Variants in TMTC1 observed in about 807,000 individuals in gnomAD.
The protein encoded by TMTC1 is protein O-mannosyl-transferase TMTC1.
TMTC1 carries 73 observed loss-of-function variants against 104.8 expected under a neutral mutation model. The ratio of observed to expected loss-of-function variants is 0.70; its 90% CI spans 0.58 to 0.85. TMTC1 has a LOEUF of 0.85. Ranked by LOEUF, TMTC1 falls within the 40% of genes least tolerant of loss-of-function variation. The probability of loss-of-function intolerance (pLI) is 0.00; values close to 1 mark genes in which losing one functional copy is unlikely to be tolerated. For synonymous variants in TMTC1, 434 were observed against 428.7 expected (o/e 1.01, Z -0.15); for missense variants, 1,035 against 1,096.1 (o/e 0.94, Z 0.79).
intron 10 of TMTC1, among the ~76,000 whole-genome samples, chr12:29,538,849 C>T (rs1307634885): frequency 6.6e-6 from 1 of 152,166 alleles, no homozygotes; most frequent in African/African-American, 2.4e-5. Flanking sequence ...ATGAGTATTA[C>T]AAGATGCAAA....
chr12:29,522,548 C>T (rs895704352), intron 11 of TMTC1, among the ~76,000 whole-genome samples: 5 of 118,562 alleles, frequency 4.2e-5, no homozygotes, highest in Non-Finnish European at 7.3e-5. Context: ...CATTGAAGGA[C>T]TGACAATGTG....
intron 8 of TMTC1, among the ~76,000 whole-genome samples, chr12:29,576,280 T>C (rs1009134039): frequency 5.3e-5 from 8 of 152,168 alleles, no homozygotes; most frequent in Admixed American, 2.0e-4. Flanking sequence ...GTATTTGTGA[T>C]TTTGCTGCCT....
At chr12:29,540,497 G>A (rs996790418) in intron 10 of TMTC1, among the ~76,000 whole-genome samples, 4 of 152,106 alleles carry the variant, frequency 2.6e-5, no homozygotes, top group Admixed American at 2.0e-4. Flanking sequence ...AATCTAGACC[G>A]TTCCATTGAG....
intron 8 of TMTC1, among the ~76,000 whole-genome samples, chr12:29,578,193 A>C (rs910976988): frequency 6.6e-6 from 1 of 152,000 alleles, no homozygotes; most frequent in Admixed American, 6.6e-5. Flanking sequence ...TGTTCCTAAC[A>C]GGCAAGCAGA....
chr12:29,618,096 G>A (rs549771682), intron 6 of TMTC1, among the ~76,000 whole-genome samples: 9 of 152,290 alleles, frequency 5.9e-5, no homozygotes, highest in Non-Finnish European at 1.0e-4. Context: ...GTGAGAAGCT[G>A]TCAGTGTCTA....
intron 5 of TMTC1, among the ~76,000 whole-genome samples, chr12:29,679,846 G>A (rs1187864779): frequency 4.6e-5 from 7 of 151,938 alleles, no homozygotes; most frequent in Admixed American, 2.0e-4. Context: ...AGATTTAGAA[G>A]CAGTGTTTAC....
At position 29,557,664 on chromosome 12, in the gene TMTC1, G is replaced by A. The variant is rs543343313; in HGVS notation, c.1533-664C>T. Among the ~76,000 whole-genome samples, 27 of 152,146 alleles carry A rather than the reference G, an allele frequency of 1.8e-4. No homozygotes were observed. In the South Asian group the frequency reaches 2.9e-3, roughly 16 times the overall value. ...TGGGTTTCGCCATGTTGGCCAGGCCGGTCTCGAACCCCTGACCTCAGGTGA... is the reference window on the plus strand; with the variant it reads ...TGGGTTTCGCCATGTTGGCCAGGCCAGTCTCGAACCCCTGACCTCAGGTGA... On this transcript the variant is annotated intron_variant, in intron 9 of 17. Transcript: ENST00000539277.
At chr12:29,639,110 G>A (rs554606859) in intron 5 of TMTC1, among the ~76,000 whole-genome samples, 1 of 152,290 alleles carries the variant, frequency 6.6e-6, no homozygotes, top group Non-Finnish European at 1.5e-5. Flanking sequence ...TATCCCGTAC[G>A]CCTTCCTAGG....
chr12:29,554,521 A>G (rs1450468512), intron 10 of TMTC1, among the ~76,000 whole-genome samples: 1 of 152,230 alleles, frequency 6.6e-6, no homozygotes, highest in African/African-American at 2.4e-5. Context: ...GGGTCAAAGA[A>G]AATTACAAAT....
At chr12:29,616,852 C>T (rs1469208893) in intron 6 of TMTC1, among the ~76,000 whole-genome samples, 5 of 152,002 alleles carry the variant, frequency 3.3e-5, no homozygotes, top group African/African-American at 1.2e-4. Flanking sequence ...TTCTTGGCAT[C>T]GTTAAACCAT....
In TMTC1 at chr12:29,517,457, C is replaced by G; in HGVS notation, c.2139G>C (p.Gln713His). ...LQIYQEAAAL[Q>H]PSQRELRLAL... Reference sequence around the variant, plus strand: ...CCAAGCGGAGCTCCCTCTGAGAAGGCTGAAGTGCTGCAGCTTCCTGGTAAA... The same window carrying G: ...CCAAGCGGAGCTCCCTCTGAGAAGGGTGAAGTGCTGCAGCTTCCTGGTAAA... Residue 713 changes from glutamine to histidine, a missense_variant, in exon 14 of 18, where the codon CAG becomes CAC. Physicochemically the swap from Gln to His is conservative, Grantham distance 24 (BLOSUM62 0). Transcript: ENST00000539277. 6.2e-7 allele frequency: 1 copy of G among 1,614,146 alleles called. No individual in the cohort carries two copies. Among genetic ancestry groups the G allele is most frequent in the Middle Eastern group, 1.7e-4 (1 of 6,054 alleles).
At chr12:29,605,763 G>T (rs1364097788) in intron 6 of TMTC1, among the ~76,000 whole-genome samples, 1 of 151,924 alleles carries the variant, frequency 6.6e-6, no homozygotes, top group African/African-American at 2.4e-5. Flanking sequence ...TACTACAAGG[G>T]TATATTGTGT....
intron 5 of TMTC1, among the ~76,000 whole-genome samples, chr12:29,738,288 G>A (rs1942734656): frequency 6.6e-6 from 1 of 152,178 alleles, no homozygotes; most frequent in Admixed American, 6.5e-5. Flanking sequence ...ATTGTTAAAT[G>A]TAAACAAGGA....
intron 10 of TMTC1, among the ~76,000 whole-genome samples, chr12:29,540,029 A>G (rs551728638): frequency 2.6e-5 from 4 of 152,304 alleles, no homozygotes; most frequent in East Asian, 3.9e-4. Flanking sequence ...ATATGTATAC[A>G]TATGTATCAC....
chr12:29,585,461 A>T (rs1306423982), intron 7 of TMTC1, among the ~76,000 whole-genome samples: 1 of 152,034 alleles, frequency 6.6e-6, no homozygotes, highest in Admixed American at 6.5e-5. Context: ...CCCATTTGTC[A>T]ATTTTGGCTT....
chr12:29,782,691 T>C (rs1943861541), intron 1 of TMTC1: 1 of 152,194 alleles, frequency 6.6e-6, no homozygotes, highest in African/African-American at 2.4e-5. Context: ...TGGCATATTC[T>C]CGGTTCCCTT....
chr12:29,662,485 A>G (rs1380248175), intron 5 of TMTC1, among the ~76,000 whole-genome samples: 1 of 152,030 alleles, frequency 6.6e-6, no homozygotes, highest in Non-Finnish European at 1.5e-5. Flanking sequence ...CCCCATCTCT[A>G]TTAAAAATAC....
intron 9 of TMTC1, among the ~76,000 whole-genome samples, chr12:29,560,465 A>G (rs1827943834): frequency 6.6e-6 from 1 of 152,228 alleles, no homozygotes. Flanking sequence ...TCATTAAAAA[A>G]GAAATGTATG....
At chr12:29,528,560 C>T (rs909461845) in intron 11 of TMTC1, among the ~76,000 whole-genome samples, 3 of 152,118 alleles carry the variant, frequency 2.0e-5, no homozygotes, top group Non-Finnish European at 4.4e-5. Context: ...CACTTTTTAC[C>T]TCAAGGAAGG....
Sources: allele counts gnomAD v4.1 joint callset (sites outside exome capture counted in the v4.1 genomes callset), GRCh38; gene constraint gnomAD v4.1.1; transcripts MANE v1.5; gene names NCBI Gene and HGNC (gene_info 2026-07-23, HGNC 2026-07-21).